The following SLC25A13 variants were observed in gnomAD, a reference collection of about 807,000 sequenced individuals.
SLC25A13 encodes electrogenic aspartate/glutamate antiporter SLC25A13, mitochondrial.
In SLC25A13, 70 loss-of-function variants were observed where a neutral mutation model predicts 85.5. The ratio of observed to expected loss-of-function variants is 0.82; its 90% CI spans 0.68 to 1.00. SLC25A13 has a LOEUF of 1.00. Ranked by LOEUF, SLC25A13 falls within the 50% of genes least tolerant of loss-of-function variation. SLC25A13 has a pLI of 0.00. For synonymous variants in SLC25A13, 259 were observed against 288.7 expected (o/e 0.90, Z 1.04); for missense variants, 765 against 819.8 (o/e 0.93, Z 0.82).
chr7:96,251,095 C>A (rs1797406606), intron 3 of SLC25A13, among the ~76,000 whole-genome samples: 1 of 151,858 alleles, frequency 6.6e-6, no homozygotes, highest in African/African-American at 2.4e-5. Context: ...ACAAGATAAC[C>A]ACCATGAGAA....
intron 1 of SLC25A13, among the ~76,000 whole-genome samples, chr7:96,301,581 A>G (rs1209980704): frequency 1.3e-5 from 2 of 151,390 alleles, no homozygotes; most frequent in Non-Finnish European, 2.9e-5. Flanking sequence ...ATTTGATAAC[A>G]TTTTACTCTG....
At chr7:96,224,807 C>T (rs181364770) in intron 4 of SLC25A13, among the ~76,000 whole-genome samples, 2 of 152,240 alleles carry the variant, frequency 1.3e-5, no homozygotes, top group East Asian at 1.9e-4. Context: ...CCACAATGGG[C>T]TAACTGACAC....
chr7:96,275,789 C>T (rs1457572083), intron 3 of SLC25A13, among the ~76,000 whole-genome samples: 9 of 152,124 alleles, frequency 5.9e-5, no homozygotes, highest in South Asian at 2.1e-4. Context: ...TAATGTTAAA[C>T]GACGAGTTGA....
At chr7:96,218,260 T>C (rs539745821) in intron 4 of SLC25A13, among the ~76,000 whole-genome samples, 1 of 152,332 alleles carries the variant, frequency 6.6e-6, no homozygotes, top group African/African-American at 2.4e-5. Flanking sequence ...CCATCCTTTC[T>C]TGAGCTCATA....
chr7:96,233,585 G>A lies in SLC25A13; in HGVS notation c.328+1217C>T, dbSNP rs115913243. 4.1e-3 allele frequency among the ~76,000 whole-genome samples: 626 copies of A among 152,276 alleles called. 7 individuals carry two copies. The highest frequency in any genetic ancestry group is 0.014 in the African/African-American group (588 of 41,536). On this transcript the variant is annotated intron_variant, in intron 4 of 17. Coordinates refer to ENST00000265631, the MANE Select transcript of SLC25A13 (RefSeq NM_014251.3). Reference sequence around the variant, plus strand: ...CAAATGAGTATGACGGAATGGCGAAGGGGGTTGGCACAATAAATCTATTAT... The same window carrying A: ...CAAATGAGTATGACGGAATGGCGAAAGGGGTTGGCACAATAAATCTATTAT...
intron 1 of SLC25A13, among the ~76,000 whole-genome samples, chr7:96,297,544 G>C (rs1382186781): frequency 6.6e-6 from 1 of 152,044 alleles, no homozygotes; most frequent in African/African-American, 2.4e-5. Context: ...ATGTTGGCCA[G>C]GCTGGTCTCA....
intron 2 of SLC25A13, among the ~76,000 whole-genome samples, chr7:96,290,396 T>C (rs1247229971): frequency 6.6e-6 from 1 of 152,026 alleles, no homozygotes; most frequent in Non-Finnish European, 1.5e-5. Context: ...GCTAACATCA[T>C]AAAGACAGGA....
At chr7:96,283,662 A>C (rs1798769965) in intron 2 of SLC25A13, 1 of 294,004 alleles carries the variant, frequency 3.4e-6, no homozygotes, top group African/African-American at 2.2e-5. Context: ...AAGAGCTGAG[A>C]TAGCTTCCTG....
In SLC25A13 at chr7:96,295,689, T is replaced by C. The variant is rs533769424; in HGVS notation, c.69+1209A>G. 2.6e-5 allele frequency among the ~76,000 whole-genome samples: 4 copies of C among 152,222 alleles called. No homozygotes were observed. The South Asian group carries it at 6.2e-4, about 24-fold the overall frequency. On this transcript the variant is annotated intron_variant, in intron 2 of 17. Coordinates refer to ENST00000265631, the MANE Select transcript of SLC25A13 (RefSeq NM_014251.3). ...CTCAATTAGTTTTAATAGTAACACA[T>C]TGTGATGAGGAAAGAGAGGTTCATA...
chr7:96,176,999 T>G (rs1054951499), intron 11 of SLC25A13, among the ~76,000 whole-genome samples: 1 of 152,162 alleles, frequency 6.6e-6, no homozygotes. Context: ...CTACTTACTA[T>G]CTATTGGTTT....
chr7:96,322,037 C>A lies in SLC25A13; in HGVS notation c.-81G>T. On this transcript the variant is annotated 5_prime_UTR_variant, in exon 1 of 18. Transcript: ENST00000265631. ...GGGACCCGGGCGGCTCACTTCTAGT[C>A]CCGGCGGCGGCGGCGGTGGGGGCGG... The A allele has an allele frequency of 6.6e-7, 1 of 1,515,304 alleles. No homozygotes were observed. The highest frequency in any genetic ancestry group is 8.9e-7 in the Non-Finnish European group (1 of 1,129,680). 93.9% of individuals were successfully genotyped at this position (1,515,304 alleles called of 1,614,324 possible).
intron 2 of SLC25A13, among the ~76,000 whole-genome samples, chr7:96,293,439 C>A (rs1799207477): frequency 6.6e-6 from 1 of 152,112 alleles, no homozygotes. Flanking sequence ...GGGATCTAAT[C>A]AAACTAAAGA....
At chr7:96,305,524 C>G (rs1410683581) in intron 1 of SLC25A13, among the ~76,000 whole-genome samples, 1 of 152,062 alleles carries the variant, frequency 6.6e-6, no homozygotes, top group Non-Finnish European at 1.5e-5. Context: ...TTACCACGCC[C>G]AATATAATTT....
intron 1 of SLC25A13, among the ~76,000 whole-genome samples, chr7:96,318,059 T>C (rs142750738): frequency 6.6e-6 from 1 of 152,268 alleles, no homozygotes; most frequent in African/African-American, 2.4e-5. Flanking sequence ...CAGCAACAAC[T>C]CATCCAAGAA....
intron 4 of SLC25A13, among the ~76,000 whole-genome samples, chr7:96,226,449 C>T (rs759831133): frequency 2.0e-5 from 3 of 152,062 alleles, no homozygotes; most frequent in African/African-American, 7.2e-5. Context: ...AACAGTGCTG[C>T]GATGAACATG....
chr7:96,197,511 C>T (rs1265524062), intron 5 of SLC25A13, among the ~76,000 whole-genome samples: 2 of 151,984 alleles, frequency 1.3e-5, no homozygotes, highest in African/African-American at 2.4e-5. Context: ...TAGGTTACTC[C>T]GTAAATATGA....
chr7:96,225,018 C>T (rs967372127), intron 4 of SLC25A13, among the ~76,000 whole-genome samples: 9 of 152,152 alleles, frequency 5.9e-5, no homozygotes, highest in African/African-American at 2.4e-5. Context: ...TAGTATAGAC[C>T]TTCTAGGCTA....
At chr7:96,126,535 C>A (rs953303625) in intron 15 of SLC25A13, among the ~76,000 whole-genome samples, 3 of 152,130 alleles carry the variant, frequency 2.0e-5, no homozygotes, top group African/African-American at 4.8e-5. Context: ...AGTATAGTTG[C>A]CTAACTCATG....
intron 3 of SLC25A13, among the ~76,000 whole-genome samples, chr7:96,273,697 G>A (rs1366741759): frequency 1.3e-5 from 2 of 152,148 alleles, no homozygotes; most frequent in Non-Finnish European, 2.9e-5. Flanking sequence ...TAGATTGTGT[G>A]CTCACCATAT....
Sources: gnomAD v4.1 joint callset for allele counts (sites outside exome capture counted in the v4.1 genomes callset) on GRCh38, gnomAD v4.1.1 for gene constraint, MANE v1.5 for transcripts, NCBI Gene and HGNC (gene_info 2026-07-23, HGNC 2026-07-21) for gene names.